The following IQSEC3 variants were observed in gnomAD, a reference collection of about 807,000 sequenced individuals.
IQSEC3 encodes the protein IQ motif and Sec7 domain ArfGEF 3.
Under a neutral mutation model 105.4 loss-of-function variants are expected in IQSEC3, and 50 were observed. The ratio of observed to expected loss-of-function variants is 0.47; its 90% CI spans 0.38 to 0.60. The LOEUF (loss-of-function observed/expected upper bound fraction) is 0.60. Ranked by LOEUF, IQSEC3 falls within the 20% of genes least tolerant of loss-of-function variation. The pLI, the probability that IQSEC3 is intolerant of heterozygous loss-of-function variation, is 0.00. For synonymous variants in IQSEC3, 708 were observed against 746.0 expected, an observed-to-expected ratio of 0.95 and a Z score of 0.83; for missense variants, 1,415 against 1,630.0, an observed-to-expected ratio of 0.87 and a Z score of 2.27.
At chr12:102,797 A>T (rs371743287) in intron 2 of IQSEC3, among the ~76,000 whole-genome samples, 1 of 152,182 alleles carries the variant, frequency 6.6e-6, no homozygotes, top group East Asian at 1.9e-4. Flanking sequence ...CTGCAAAGGG[A>T]GGCTGAAGGG....
chr12:124,375 G>A (rs1475900518), intron 2 of IQSEC3, among the ~76,000 whole-genome samples: 2 of 131,944 alleles, frequency 1.5e-5, no homozygotes, highest in Non-Finnish European at 3.2e-5. Flanking sequence ...GGCAACAAGA[G>A]TGAAACTCCA....
At chr12:94,997 C>T (rs1864201339) in intron 1 of IQSEC3, among the ~76,000 whole-genome samples, 3 of 152,192 alleles carry the variant, frequency 2.0e-5, no homozygotes, top group Non-Finnish European at 4.4e-5. Context: ...ACACCTAGGT[C>T]CACCTACCCT....
chr12:136,237 C>G (rs1242054741), intron 3 of IQSEC3, among the ~76,000 whole-genome samples: 2 of 150,244 alleles, frequency 1.3e-5, no homozygotes, highest in Non-Finnish European at 3.0e-5. Context: ...TTGGGGGAGA[C>G]AGAATGATGT....
chr12:127,739 G>A (rs1865464358), intron 3 of IQSEC3, among the ~76,000 whole-genome samples: 1 of 152,060 alleles, frequency 6.6e-6, no homozygotes, highest in South Asian at 2.1e-4. Context: ...TTTTTTTCTT[G>A]TAAATTTGTT....
At chr12:87,482 A>G (rs187797860) in intron 1 of IQSEC3, among the ~76,000 whole-genome samples, 1 of 152,338 alleles carries the variant, frequency 6.6e-6, no homozygotes, top group African/African-American at 2.4e-5. Context: ...AGAGATCACT[A>G]GGGACCTCCC....
At chr12:107,511 G>A (rs971419970) in intron 2 of IQSEC3, among the ~76,000 whole-genome samples, 1 of 139,178 alleles carries the variant, frequency 7.2e-6, no homozygotes, top group Non-Finnish European at 1.5e-5. Context: ...CCGGGTTCAC[G>A]CCATTCTCCT....
At chr12:73,949 C>T (rs1353852884) in intron 1 of IQSEC3, among the ~76,000 whole-genome samples, 1 of 152,256 alleles carries the variant, frequency 6.6e-6, no homozygotes, top group Non-Finnish European at 1.5e-5. Flanking sequence ...CTTCTTTAAG[C>T]CCAACTAAAA....
chr12:169,649 G>A (rs1555099696), intron 12 of IQSEC3, among the ~76,000 whole-genome samples: 1 of 152,150 alleles, frequency 6.6e-6, no homozygotes, highest in East Asian at 1.9e-4. Context: ...GGTTTCTCCA[G>A]TGGAATTGCT....
intron 5 of IQSEC3, among the ~76,000 whole-genome samples, chr12:154,063 C>G (rs1378738208): frequency 6.6e-6 from 1 of 152,142 alleles, no homozygotes; most frequent in African/African-American, 2.4e-5. Flanking sequence ...CTCCACAGCC[C>G]AAGTGTCCAC....
At chr12:131,871 G>A (rs1261714243) in intron 3 of IQSEC3, among the ~76,000 whole-genome samples, 2 of 152,196 alleles carry the variant, frequency 1.3e-5, no homozygotes, top group African/African-American at 4.8e-5. Context: ...ACACACGATG[G>A]TGAACCCGGA....
At chr12:92,075 TG>T (rs1555073614) in intron 1 of IQSEC3, among the ~76,000 whole-genome samples, 1 of 152,072 alleles carries the variant, frequency 6.6e-6, no homozygotes, top group Non-Finnish European at 1.5e-5. Context: ...GACTACCTCA[TG>T]TTTAGGTTTT....
In IQSEC3 at chr12:138,929, C is replaced by T. The variant is rs149601545; in HGVS notation, c.1566C>T (p.Pro522=). Residue 522 remains proline, a synonymous_variant, in exon 4 of 14, where the codon CCC becomes CCT. Coordinates refer to ENST00000538872, the MANE Select transcript of IQSEC3 (RefSeq NM_001170738.2). This position sits in a 1 kb window ranked among gnomAD's most constrained non-coding sequence, Gnocchi z 7.1. ...AGACGGTCCAGGCCCCCGCAGAGCCCGCGGCGGGCAAGGCCGAGCAGGGCG... is the reference window on the plus strand; with the variant it reads ...AGACGGTCCAGGCCCCCGCAGAGCCTGCGGCGGGCAAGGCCGAGCAGGGCG... ...GAQTVQAPAE[P]AAGKAEQGET... is the part of the protein sequence containing the mutation. The T allele has an allele frequency of 9.6e-4, 1,536 of 1,595,458 alleles. 2 individuals are homozygous for T. Among genetic ancestry groups the T allele is most frequent in the Non-Finnish European group, 1.2e-3 (1,439 of 1,171,906 alleles).
rs560233139 is a variant in IQSEC3 at position 140,075 on chromosome 12, C to A, written c.1991+721C>A. ...CCATCCTCCACTCGCCCCTTCATAA[C>A]CCTGCGCCAAGAGCACATCTCCCCG... On this transcript the variant is annotated intron_variant, in intron 4 of 13. Transcript: ENST00000538872. Among the ~76,000 whole-genome samples the A allele has an allele frequency of 3.9e-5, 6 of 152,290 alleles. No individual in the cohort carries two copies. The South Asian group carries it at 8.3e-4, about 21-fold the overall frequency.
chr12:141,363 G>A (rs1191594963), intron 5 of IQSEC3, 78 bp downstream of exon 5: 1 of 1,464,478 alleles, frequency 6.8e-7, no homozygotes, highest in Non-Finnish European at 9.4e-7. Context: ...GAGCTCCTTG[G>A]TGAAATCCTC....
chr12:151,342 G>A (rs566727574), intron 5 of IQSEC3, among the ~76,000 whole-genome samples: 46 of 152,326 alleles, frequency 3.0e-4, no homozygotes, highest in Non-Finnish European at 5.3e-4. Flanking sequence ...GCTCCAGCCA[G>A]AGCTCCAGGA....
intron 2 of IQSEC3, chr12:106,922 A>C (rs1310550602): frequency 1.3e-5 from 2 of 152,278 alleles, no homozygotes; most frequent in African/African-American, 2.4e-5. Context: ...TCATCAAACC[A>C]AAAACGAAGA....
intron 1 of IQSEC3, among the ~76,000 whole-genome samples, chr12:88,839 C>T (rs1332961258): frequency 1.3e-5 from 2 of 152,172 alleles, no homozygotes; most frequent in African/African-American, 4.8e-5. Flanking sequence ...CCTGGTAGGG[C>T]TCTGTTTGAA....
Position 141,105 on chromosome 12 carries a change from T to TGCCCCC in IQSEC3, c.1992-19_1992-18insGCCCCC. ...GCTTCAGCTCACTCTCTACTGCTTC[T>TGCCCCC]CCCCACCCCCACCTCCAGAAACCCC... On this transcript the variant is annotated intron_variant, in intron 4 of 13. Coordinates refer to ENST00000538872, the MANE Select transcript of IQSEC3 (RefSeq NM_001170738.2). The TGCCCCC allele has an allele frequency of 1.3e-6, 2 of 1,578,010 alleles. No individual in the cohort carries two copies. The highest frequency in any genetic ancestry group is 1.7e-6 in the Non-Finnish European group (2 of 1,151,370).
chr12:160,417 A>G (rs1040060350), intron 7 of IQSEC3, among the ~76,000 whole-genome samples: 1 of 152,068 alleles, frequency 6.6e-6, no homozygotes, highest in African/African-American at 2.4e-5. Context: ...TCTGCCTGAT[A>G]CCCAGAAGAT....
Sources: allele counts gnomAD v4.1 joint callset (sites outside exome capture counted in the v4.1 genomes callset), GRCh38; gene constraint gnomAD v4.1.1; non-coding constraint Gnocchi (gnomAD v3.1); transcripts MANE v1.5; gene names NCBI Gene and HGNC (gene_info 2026-07-23, HGNC 2026-07-21).